IPCEF1: variants seen among roughly 807,000 people sequenced by gnomAD.
IPCEF1 encodes the protein interaction protein for cytohesin exchange factors 1.
In IPCEF1, 31 loss-of-function variants were observed where a neutral mutation model predicts 50.9. The ratio of observed to expected loss-of-function variants is 0.61; its 90% CI spans 0.46 to 0.82. IPCEF1 has a LOEUF of 0.82. Among genes scored for constraint, IPCEF1 ranks in the 40% least tolerant of loss-of-function variants. IPCEF1 has a pLI of 0.00. For missense variants in IPCEF1, 458 were observed against 514.0 expected, an observed-to-expected ratio of 0.89 and a Z score of 1.05; for synonymous variants, 181 against 192.0, an observed-to-expected ratio of 0.94 and a Z score of 0.47.
At chr6:154,273,609 A>G (rs1227982693) in intron 2 of IPCEF1, among the ~76,000 whole-genome samples, 17 of 152,000 alleles carry the variant, frequency 1.1e-4, no homozygotes, top group Admixed American at 1.1e-3. Context: ...GTACAGTGAC[A>G]TATGCGGCAG....
intron 5 of IPCEF1, among the ~76,000 whole-genome samples, chr6:154,245,675 G>C (rs1224593903): frequency 1.3e-5 from 2 of 152,142 alleles, no homozygotes; most frequent in African/African-American, 4.8e-5. Flanking sequence ...CAACTCCTAA[G>C]TACTTTTCCC....
chr6:154,311,970 C>G (rs1336674791), intron 1 of IPCEF1, among the ~76,000 whole-genome samples: 2 of 151,964 alleles, frequency 1.3e-5, no homozygotes, highest in Non-Finnish European at 2.9e-5. Flanking sequence ...GATATTTACC[C>G]AAAAGAAATG....
chr6:154,306,930 T>G (rs940616019), intron 1 of IPCEF1, among the ~76,000 whole-genome samples: 1 of 152,112 alleles, frequency 6.6e-6, no homozygotes, highest in Non-Finnish European at 1.5e-5. Flanking sequence ...GTTTGCTGTG[T>G]GTGAGTGGTT....
At chr6:154,266,585 T>TATATATATACAC (rs71021035) in intron 2 of IPCEF1, among the ~76,000 whole-genome samples, 3 of 135,688 alleles carry the variant, frequency 2.2e-5, no homozygotes, top group African/African-American at 2.7e-5. Flanking sequence ...TATATATATA[T>TATATATATACAC]ACACACAAAC....
chr6:154,263,514 C>T (rs570505210), intron 3 of IPCEF1, among the ~76,000 whole-genome samples: 5 of 112,176 alleles, frequency 4.5e-5, no homozygotes, highest in Admixed American at 9.8e-5. Context: ...TTAATCCATT[C>T]AACCCTGAGT....
chr6:154,227,694 G>A (rs1037654290), intron 5 of IPCEF1, among the ~76,000 whole-genome samples: 7 of 152,024 alleles, frequency 4.6e-5, no homozygotes, highest in Non-Finnish European at 8.8e-5. Context: ...TCCAGCCTGG[G>A]TGACAGAGTT....
At chr6:154,203,156 T>C (rs1777208307) in intron 9 of IPCEF1, among the ~76,000 whole-genome samples, 2 of 152,132 alleles carry the variant, frequency 1.3e-5, no homozygotes, top group African/African-American at 4.8e-5. Flanking sequence ...CTGTGCAACA[T>C]ACTCATAAAG....
At chr6:154,227,995 A>G (rs973643261) in intron 5 of IPCEF1, among the ~76,000 whole-genome samples, 1 of 152,116 alleles carries the variant, frequency 6.6e-6, no homozygotes, top group Admixed American at 6.5e-5. Flanking sequence ...TGCAAAAAAA[A>G]AATGCCTCAA....
intron 10 of IPCEF1, among the ~76,000 whole-genome samples, chr6:154,191,355 G>A (rs1473599467): frequency 6.6e-6 from 1 of 152,058 alleles, no homozygotes; most frequent in Non-Finnish European, 1.5e-5. Context: ...AAAACCCATA[G>A]AACTGTATGA....
chr6:154,327,111 C>G (rs945047544), intron 1 of IPCEF1, among the ~76,000 whole-genome samples: 2 of 151,968 alleles, frequency 1.3e-5, no homozygotes, highest in Non-Finnish European at 2.9e-5. Flanking sequence ...CCATAAAAAC[C>G]CTAGAAGAAA....
chr6:154,303,092 CTTTTTTT>C (rs71021038), intron 1 of IPCEF1, among the ~76,000 whole-genome samples: 1 of 121,410 alleles, frequency 8.2e-6, no homozygotes, highest in Non-Finnish European at 1.6e-5. Flanking sequence ...TATGATAGCA[CTTTTTTT>C]TTTTTTTTTT....
chr6:154,187,065 C>T (rs548897027), intron 10 of IPCEF1, among the ~76,000 whole-genome samples: 2 of 152,254 alleles, frequency 1.3e-5, no homozygotes, highest in South Asian at 2.1e-4. Context: ...GTCTTCCTGC[C>T]GCTAGTCTTC....
At chr6:154,234,316 G>T (rs1779948939) in intron 5 of IPCEF1, among the ~76,000 whole-genome samples, 1 of 152,124 alleles carries the variant, frequency 6.6e-6, no homozygotes, top group Non-Finnish European at 1.5e-5. Flanking sequence ...ATGAAGCTTT[G>T]GTTACCCACA....
intron 10 of IPCEF1, among the ~76,000 whole-genome samples, chr6:154,196,897 A>G (rs1173978496): frequency 6.6e-6 from 1 of 152,210 alleles, no homozygotes; most frequent in African/African-American, 2.4e-5. Flanking sequence ...GAGTATTTAA[A>G]TTCAGCATAA....
At chr6:154,324,680 T>G (rs541411668) in intron 1 of IPCEF1, among the ~76,000 whole-genome samples, 4 of 151,994 alleles carry the variant, frequency 2.6e-5, no homozygotes, top group African/African-American at 9.7e-5. Context: ...TGGTGGCAGG[T>G]GCCTGTAATC....
At chr6:154,200,261 G>C (rs763744718) in intron 9 of IPCEF1, among the ~76,000 whole-genome samples, 1 of 152,060 alleles carries the variant, frequency 6.6e-6, no homozygotes, top group Non-Finnish European at 1.5e-5. Flanking sequence ...CACTGTTCTA[G>C]GATCTGAAAA....
chr6:154,287,521 A>G (rs992390647), intron 2 of IPCEF1, among the ~76,000 whole-genome samples: 2 of 152,214 alleles, frequency 1.3e-5, no homozygotes, highest in African/African-American at 4.8e-5. Flanking sequence ...CGAAGTGCAT[A>G]AAGGTTAAGC....
chr6:154,178,615 A>C (rs1307081264), intron 10 of IPCEF1, among the ~76,000 whole-genome samples: 4 of 152,236 alleles, frequency 2.6e-5, no homozygotes, highest in Non-Finnish European at 4.4e-5. Context: ...ACAAACAGAT[A>C]AAGTGAACCT....
At chr6:154,170,987 C>G (rs1294616622) in intron 10 of IPCEF1, among the ~76,000 whole-genome samples, 2 of 152,322 alleles carry the variant, frequency 1.3e-5, no homozygotes, top group East Asian at 3.9e-4. Flanking sequence ...TCTCCTGCCT[C>G]AGCCTCTCAA....
Sources: allele counts gnomAD v4.1 joint callset (sites outside exome capture counted in the v4.1 genomes callset), GRCh38; gene constraint gnomAD v4.1.1; transcripts MANE v1.5; gene names NCBI Gene and HGNC (gene_info 2026-07-23, HGNC 2026-07-21).